The following ADD1 variants were observed in gnomAD, a reference collection of about 807,000 sequenced individuals.
ADD1 encodes adducin 1, also known as alpha-adducin.
A neutral mutation model predicts 80.5 loss-of-function variants in ADD1; 24 were observed. The ratio of observed to expected loss-of-function variants is 0.30; its 90% confidence interval spans 0.22 to 0.42. The LOEUF (loss-of-function observed/expected upper bound fraction) is 0.42. Among genes scored for constraint, ADD1 ranks in the 10% least tolerant of loss-of-function variants. The probability of loss-of-function intolerance (pLI) is 1.00; values close to 1 mark genes in which losing one functional copy is unlikely to be tolerated. For synonymous variants in ADD1, 373 were observed against 393.8 expected, an observed-to-expected ratio of 0.95 and a Z score of 0.63; for missense variants, 948 against 1,019.0, an observed-to-expected ratio of 0.93 and a Z score of 0.95.
At chr4:2,903,742 C>T (rs1381870039) in intron 9 of ADD1, among the ~76,000 whole-genome samples, 2 of 152,168 alleles carry the variant, frequency 1.3e-5, no homozygotes, top group African/African-American at 2.4e-5. Flanking sequence ...AGCTGGGGGC[C>T]TGGGGCCACT....
intron 1 of ADD1, among the ~76,000 whole-genome samples, chr4:2,863,018 T>C (rs1437501015): frequency 1.3e-5 from 2 of 151,944 alleles, no homozygotes; most frequent in African/African-American, 4.8e-5. Context: ...ACTTCTGGAG[T>C]GTGGCTTCTC....
intron 1 of ADD1, among the ~76,000 whole-genome samples, chr4:2,865,643 A>C (rs1387571024): frequency 1.3e-5 from 2 of 152,146 alleles, no homozygotes; most frequent in Non-Finnish European, 2.9e-5. Context: ...TCAGTATTTT[A>C]ATCTCCCTTA....
intron 1 of ADD1, among the ~76,000 whole-genome samples, chr4:2,852,191 T>TTTCTTTCTTTCC (rs1560138244): frequency 1.0e-5 from 1 of 96,190 alleles, no homozygotes; most frequent in African/African-American, 3.9e-5. Flanking sequence ...TCTTTCTTTC[T>TTTCTTTCTTTCC]TTCTTTCCTT....
chr4:2,907,912 G>A, intron 11 of ADD1, 68 bp downstream of exon 11: 3 of 1,320,862 alleles, frequency 2.3e-6, no homozygotes, highest in Middle Eastern at 2.4e-4. Context: ...GCTGCTTTGG[G>A]GGGAGCGGGT....
At chr4:2,924,594 ACTC>A (rs1412183908) in intron 14 of ADD1, among the ~76,000 whole-genome samples, 2 of 151,706 alleles carry the variant, frequency 1.3e-5, no homozygotes, top group African/African-American at 4.8e-5. Context: ...GGAGCTAGGC[ACTC>A]CTCCTAAGAG....
chr4:2,925,342 C>A (rs1248697226), intron 14 of ADD1, among the ~76,000 whole-genome samples: 1 of 146,912 alleles, frequency 6.8e-6, no homozygotes, highest in Non-Finnish European at 1.5e-5. Flanking sequence ...AAAATACGGA[C>A]CTGCTGATCC....
chr4:2,847,504 A>G (rs563328609), intron 1 of ADD1, among the ~76,000 whole-genome samples: 1 of 152,078 alleles, frequency 6.6e-6, no homozygotes, highest in Non-Finnish European at 1.5e-5. Context: ...TTTTGGTTCT[A>G]CTTGCTCACT....
intron 9 of ADD1, among the ~76,000 whole-genome samples, chr4:2,903,986 G>T (rs1203472817): frequency 6.6e-6 from 1 of 152,168 alleles, no homozygotes; most frequent in Non-Finnish European, 1.5e-5. Flanking sequence ...AGAACCAGTT[G>T]TCATGAGGTA....
chr4:2,888,094 C>CT (rs1214185417), intron 4 of ADD1, among the ~76,000 whole-genome samples: 1 of 152,092 alleles, frequency 6.6e-6, no homozygotes, highest in East Asian at 1.9e-4. Flanking sequence ...GGGTCTCACT[C>CT]TGTTACCCAG....
At chr4:2,847,032 G>C (rs769551152) in intron 1 of ADD1, among the ~76,000 whole-genome samples, 96 of 152,170 alleles carry the variant, frequency 6.3e-4, no homozygotes, top group Middle Eastern at 3.4e-3. Context: ...CAGGAGAATG[G>C]CGTGAACCCG....
chr4:2,916,205 TA>T (rs1314384413), intron 14 of ADD1, among the ~76,000 whole-genome samples: 10 of 132,090 alleles, frequency 7.6e-5, no homozygotes, highest in African/African-American at 2.8e-4. Flanking sequence ...TTATTATTAT[TA>T]TTATTTTTGA....
chr4:2,865,852 G>A (rs535632690), intron 1 of ADD1, among the ~76,000 whole-genome samples: 12 of 152,298 alleles, frequency 7.9e-5, no homozygotes, highest in Admixed American at 4.6e-4. Flanking sequence ...TTGAAGGACA[G>A]TAACAGTATA....
intron 2 of ADD1, among the ~76,000 whole-genome samples, chr4:2,878,805 A>G (rs1731766391): frequency 6.6e-6 from 1 of 152,082 alleles, no homozygotes; most frequent in Non-Finnish European, 1.5e-5. Context: ...AGAGTTGGAG[A>G]TGTTAGCAAG....
chr4:2,868,433 C>T (rs765333282), intron 1 of ADD1, among the ~76,000 whole-genome samples: 2 of 152,184 alleles, frequency 1.3e-5, no homozygotes, highest in Non-Finnish European at 2.9e-5. Flanking sequence ...TCTTCAGTGT[C>T]GGAGCCCCCA....
intron 13 of ADD1, among the ~76,000 whole-genome samples, chr4:2,913,078 C>T (rs1267458069): frequency 1.3e-5 from 2 of 151,528 alleles, no homozygotes; most frequent in Non-Finnish European, 2.9e-5. Flanking sequence ...GAACTCCTGA[C>T]CTCAGGTGAT....
At chr4:2,848,954 A>T (rs1004304300) in intron 1 of ADD1, among the ~76,000 whole-genome samples, 2 of 152,192 alleles carry the variant, frequency 1.3e-5, no homozygotes, top group African/African-American at 4.8e-5. Context: ...CCCAATTAAT[A>T]TTCTTACATT....
chr4:2,926,474 G>A lies in ADD1; in HGVS notation c.2047+362G>A. On this transcript the variant is annotated intron_variant, in intron 15 of 15. Coordinates refer to ENST00000683351, the MANE Select transcript of ADD1 (RefSeq NM_001354761.2). This position sits in a 1 kb window ranked among gnomAD's most constrained non-coding sequence, Gnocchi z 5.0. The stretch of plus-strand genomic sequence containing the variant: ...ACACGCCGGCTGCCTCTCAGCCACC[G>A]TGTGTCTGTGGTGTGTGATCCCGGG... 8 of 749,862 alleles carry A rather than the reference G, an allele frequency of 1.1e-5. No homozygotes were observed. The South Asian group carries it at 1.1e-4, about 10-fold the overall frequency. 46.5% of individuals were successfully genotyped at this position (749,862 alleles called of 1,614,324 possible).
chr4:2,904,665 G>A, intron 9 of ADD1, 99 bp from the exon 10 acceptor site: 1 of 1,068,096 alleles, frequency 9.4e-7, no homozygotes, highest in Middle Eastern at 2.1e-4. Context: ...GGGTATGCAT[G>A]TGTTCAACTT....
intron 3 of ADD1, among the ~76,000 whole-genome samples, chr4:2,882,458 G>C (rs1249731051): frequency 2.0e-5 from 3 of 152,248 alleles, no homozygotes; most frequent in African/African-American, 7.2e-5. Context: ...AGAAAAGCCA[G>C]AGGAAAAGTA....
Sources: gnomAD v4.1 joint callset for allele counts (sites outside exome capture counted in the v4.1 genomes callset) on GRCh38, gnomAD v4.1.1 for gene constraint, Gnocchi (gnomAD v3.1) non-coding constraint, MANE v1.5 for transcripts, NCBI Gene and HGNC (gene_info 2026-07-23, HGNC 2026-07-21) for gene names.